Variants in SDK2 observed in about 807,000 individuals in gnomAD.
SDK2 encodes the protein sidekick cell adhesion molecule 2.
In SDK2, 105 loss-of-function variants were observed where a neutral mutation model predicts 253.9. The ratio of observed to expected loss-of-function variants is 0.41; its 90% CI spans 0.35 to 0.49. The LOEUF is 0.49. Among genes scored for constraint, SDK2 ranks in the 20% least tolerant of loss-of-function variants. The probability of loss-of-function intolerance (pLI) is 0.06; values close to 1 mark genes in which losing one functional copy is unlikely to be tolerated. For synonymous variants in SDK2, 1,249 were observed against 1,234.9 expected, an observed-to-expected ratio of 1.01 and a Z score of -0.24; for missense variants, 2,608 against 3,003.0, an observed-to-expected ratio of 0.87 and a Z score of 3.07.
At position 73,629,088 on chromosome 17, in the gene SDK2, G is replaced by A. The variant is rs117302721; in HGVS notation, c.64+14937C>T. ...AGCAGCTGCAGTGGGTGGAGCCTGCGGAGGGGGCAGGAAAGCCAGGCTCCT... is the reference window on the plus strand; with the variant it reads ...AGCAGCTGCAGTGGGTGGAGCCTGCAGAGGGGGCAGGAAAGCCAGGCTCCT... On this transcript the variant is annotated intron_variant, in intron 1 of 44. Coordinates refer to ENST00000392650, the MANE Select transcript of SDK2 (RefSeq NM_001144952.2). The surrounding 1 kb of genome is among the most constrained non-coding windows in gnomAD (Gnocchi z 5.0). Among the ~76,000 whole-genome samples, 931 of 152,298 alleles carry A rather than the reference G, an allele frequency of 6.1e-3. 3 individuals are homozygous for A. Among genetic ancestry groups the A allele is most frequent in the Non-Finnish European group, 9.7e-3 (661 of 68,022 alleles).
chr17:73,355,174 A>ATATATATATTTTTTTTTTTT, intron 40 of SDK2, among the ~76,000 whole-genome samples: 13 of 47,222 alleles, frequency 2.8e-4, no homozygotes, highest in Non-Finnish European at 4.4e-4. Flanking sequence ...ATATATATAT[A>ATATATATATTTTTTTTTTTT]TTTTTTTTTT....
intron 1 of SDK2, among the ~76,000 whole-genome samples, chr17:73,559,303 G>A (rs943913420): frequency 2.6e-5 from 4 of 152,228 alleles, no homozygotes; most frequent in Non-Finnish European, 5.9e-5. Flanking sequence ...CGCTGGTAAA[G>A]TAGAGATGGT....
intron 1 of SDK2, among the ~76,000 whole-genome samples, chr17:73,582,919 A>C (rs1297874175): frequency 2.6e-5 from 4 of 152,078 alleles, no homozygotes; most frequent in African/African-American, 9.7e-5. Flanking sequence ...TGGGGCTGAG[A>C]CATTCTTCCC....
Position 73,467,876 on chromosome 17 carries a change from G to C in SDK2, c.331+4236C>G. ...ATGCAGCTTCCCAGCGCTGGTTTCAGGGAGCTGCAGCTGGTGGACAGGGGG... is the reference window on the plus strand; with the variant it reads ...ATGCAGCTTCCCAGCGCTGGTTTCACGGAGCTGCAGCTGGTGGACAGGGGG... On this transcript the variant is annotated intron_variant, in intron 3 of 44. Transcript: ENST00000392650. The surrounding 1 kb of genome is among the most constrained non-coding windows in gnomAD (Gnocchi z 4.1). 6.6e-6 allele frequency among the ~76,000 whole-genome samples: 1 copy of C among 152,214 alleles called. No homozygotes were observed. The highest frequency in any genetic ancestry group is 2.4e-5 in the African/African-American group (1 of 41,470).
chr17:73,564,598 G>T (rs2045284245), intron 1 of SDK2, among the ~76,000 whole-genome samples: 1 of 152,170 alleles, frequency 6.6e-6, no homozygotes, highest in South Asian at 2.1e-4. Context: ...GTCGAGACAG[G>T]TGGATCACTT....
At chr17:73,413,771 G>T (rs2063157894) in intron 18 of SDK2, among the ~76,000 whole-genome samples, 1 of 152,168 alleles carries the variant, frequency 6.6e-6, no homozygotes, top group Non-Finnish European at 1.5e-5. Flanking sequence ...AGTGCATAGA[G>T]TAGCTGCTCA....
chr17:73,388,973 T>TCCCCTTC (rs113883034), intron 29 of SDK2, among the ~76,000 whole-genome samples: 5,986 of 76,298 alleles, frequency 0.078, 856 homozygotes, highest in African/African-American at 0.23. Context: ...TCTCCTCCCT[T>TCCCCTTC]CCCTTCCCCT....
chr17:73,483,685 ATATATATATATATATATATATATT>A (rs2063750005), intron 2 of SDK2, among the ~76,000 whole-genome samples: 5 of 64,356 alleles, frequency 7.8e-5, no homozygotes, highest in African/African-American at 3.0e-4. Flanking sequence ...ATATATATTT[ATATATATATATATATATATATATT>A]TTTTTTTTTT....
chr17:73,527,747 T>G (rs1248722228), intron 1 of SDK2, among the ~76,000 whole-genome samples: 1 of 152,200 alleles, frequency 6.6e-6, no homozygotes, highest in Admixed American at 6.5e-5. Flanking sequence ...AGGCTGCTGC[T>G]GTAAGACTCC....
Position 73,379,395 on chromosome 17 carries a change from T to C in SDK2, c.4864+53A>G. 1 of 1,528,070 alleles carries C rather than the reference T, an allele frequency of 6.5e-7. No individual in the cohort carries two copies. The highest frequency in any genetic ancestry group is 1.7e-5 in the Admixed American group (1 of 57,160). The allele number at this position is 1,528,070 out of a possible 1,614,324, so 94.7% of individuals were successfully genotyped here. A position where few individuals can be genotyped will look rare whatever the true frequency, so the allele number is the denominator to read the frequency against. On this transcript the variant is annotated intron_variant, in intron 35 of 44. Coordinates refer to ENST00000392650, the MANE Select transcript of SDK2 (RefSeq NM_001144952.2). This position sits in a 1 kb window ranked among gnomAD's most constrained non-coding sequence, Gnocchi z 4.5. ...CAGATCCCGTTTCTTCCAGCTGAAC[T>C]GGGTGGGGCTGGGAAAGGCATGCTG... is the stretch of plus-strand genomic sequence containing the variant.
chr17:73,582,966 G>A (rs2045556218), intron 1 of SDK2, among the ~76,000 whole-genome samples: 1 of 152,110 alleles, frequency 6.6e-6, no homozygotes, highest in Non-Finnish European at 1.5e-5. Flanking sequence ...CGTGGCAAGT[G>A]CCCTCCTGCC....
At chr17:73,339,839 G>A (rs2145365169) in intron 44 of SDK2, among the ~76,000 whole-genome samples, 1 of 151,944 alleles carries the variant, frequency 6.6e-6, no homozygotes, top group Non-Finnish European at 1.5e-5. Flanking sequence ...TTACAGGCGT[G>A]AGCTACTTTA....
At chr17:73,489,638 C>G (rs6501644) in intron 2 of SDK2, among the ~76,000 whole-genome samples, 65,844 of 152,022 alleles carry the variant, frequency 0.43, 14,423 homozygotes, top group East Asian at 0.49. Flanking sequence ...TCTCCAGGTT[C>G]TTCCCTATAA....
At chr17:73,386,409 G>T in intron 31 of SDK2, 36 bp downstream of exon 31, 1 of 1,400,644 alleles carries the variant, frequency 7.1e-7, no homozygotes, top group Non-Finnish European at 9.9e-7. Flanking sequence ...GCAGCCAGTG[G>T]GCTGAGAGAG....
rs377614924 is a variant in SDK2, at chr17:73,385,936, A to T, written c.4499-19T>A. 8.8e-6 allele frequency: 14 copies of T among 1,583,782 alleles called. No individual in the cohort carries two copies. Among genetic ancestry groups the T allele is most frequent in the Non-Finnish European group, 1.2e-5 (14 of 1,164,206 alleles). The stretch of plus-strand genomic sequence containing the variant: ...TCGGGGGCTGTGGAGAGAAGCAGAC[A>T]GGTGGGTTCTGGGGGCCGCAGCTTC... On this transcript the variant is annotated intron_variant, in intron 31 of 44. Coordinates refer to ENST00000392650, the MANE Select transcript of SDK2 (RefSeq NM_001144952.2).
rs140124172 is a variant in SDK2, at chr17:73,435,195, C to T, written c.1195+255G>A. 3.3e-5 allele frequency among the ~76,000 whole-genome samples: 5 copies of T among 152,312 alleles called. No individual in the cohort carries two copies. Among genetic ancestry groups the T allele is most frequent in the Admixed American group, 1.3e-4 (2 of 15,304 alleles). On this transcript the variant is annotated intron_variant, in intron 9 of 44. Coordinates refer to ENST00000392650, the MANE Select transcript of SDK2 (RefSeq NM_001144952.2). This position sits in a 1 kb window ranked among gnomAD's most constrained non-coding sequence, Gnocchi z 5.7. ...GCTCCTTTTCTCAAAAAGCCGTGAA[C>T]GCAACCTGGGCCCCAGGACATTGGA...
At chr17:73,365,434 G>A (rs938862924) in intron 37 of SDK2, 39 bp from the exon 38 acceptor site, 7 of 1,557,152 alleles carry the variant, frequency 4.5e-6, no homozygotes, top group African/African-American at 2.7e-5. Context: ...TCCTTCTTCT[G>A]TGGAAGTTCA....
At chr17:73,562,304 G>C (rs76338200) in intron 1 of SDK2, among the ~76,000 whole-genome samples, 1 of 152,194 alleles carries the variant, frequency 6.6e-6, no homozygotes, top group Non-Finnish European at 1.5e-5. Context: ...TTTGTTCCTT[G>C]TGGAATTTTT....
At chr17:73,369,735 C>T (rs1398065570) in intron 36 of SDK2, among the ~76,000 whole-genome samples, 1 of 152,144 alleles carries the variant, frequency 6.6e-6, no homozygotes, top group Non-Finnish European at 1.5e-5. Context: ...CTTGCTCCGC[C>T]TCACGGGTTC....
Sources: gnomAD v4.1 joint callset for allele counts (sites outside exome capture counted in the v4.1 genomes callset) on GRCh38, gnomAD v4.1.1 for gene constraint, Gnocchi (gnomAD v3.1) non-coding constraint, MANE v1.5 for transcripts, NCBI Gene and HGNC (gene_info 2026-07-23, HGNC 2026-07-21) for gene names.